Variants in MAML2 observed in about 807,000 individuals in gnomAD.
MAML2 encodes the protein mastermind-like protein 2.
Under a neutral mutation model 96.1 loss-of-function variants are expected in MAML2, and 22 were observed. That is an observed-to-expected ratio of 0.23 (90% CI 0.16 to 0.33). The LOEUF is 0.33. MAML2 is among the 10% of genes least tolerant of loss of function. The pLI is 1.00. For missense variants in MAML2, 1,367 were observed against 1,392.4 expected (o/e 0.98, Z 0.29); for synonymous variants, 561 against 521.3 (o/e 1.08, Z -1.04).
intron 2 of MAML2, among the ~76,000 whole-genome samples, chr11:96,003,158 A>G (rs1342314770): frequency 6.6e-6 from 1 of 150,942 alleles, no homozygotes; most frequent in Non-Finnish European, 1.5e-5. Flanking sequence ...GATGAGGAGG[A>G]TGATGGGGAT....
At chr11:96,119,589 T>C (rs922702504) in intron 1 of MAML2, among the ~76,000 whole-genome samples, 1 of 152,214 alleles carries the variant, frequency 6.6e-6, no homozygotes, top group Admixed American at 6.5e-5. Flanking sequence ...ATGGCAACAA[T>C]AGGAAACTAA....
At chr11:96,338,879 C>T (rs1040582364) in intron 1 of MAML2, among the ~76,000 whole-genome samples, 3 of 152,084 alleles carry the variant, frequency 2.0e-5, no homozygotes, top group Non-Finnish European at 2.9e-5. Context: ...AAGAGGAGCC[C>T]GAGTAAAGTG....
At chr11:96,222,658 G>A (rs543895892) in intron 1 of MAML2, among the ~76,000 whole-genome samples, 3 of 152,252 alleles carry the variant, frequency 2.0e-5, no homozygotes, top group South Asian at 2.1e-4. Flanking sequence ...TGCTCCAGAA[G>A]TACTCACCTA....
At chr11:96,266,846 T>C (rs1244684856) in intron 1 of MAML2, among the ~76,000 whole-genome samples, 4 of 152,204 alleles carry the variant, frequency 2.6e-5, no homozygotes, top group African/African-American at 9.6e-5. Context: ...GGAAATGTGG[T>C]TAATAATGAG....
chr11:96,313,166 AT>A (rs1863568980), intron 1 of MAML2, among the ~76,000 whole-genome samples: 1 of 152,154 alleles, frequency 6.6e-6, no homozygotes, highest in African/African-American at 2.4e-5. Flanking sequence ...GGTTAAATAG[AT>A]TGCTAAGATC....
At chr11:96,105,875 A>G in intron 1 of MAML2, among the ~76,000 whole-genome samples, 1 of 35,032 alleles carries the variant, frequency 2.9e-5, no homozygotes, top group East Asian at 3.8e-4. Flanking sequence ...GTTATAATGG[A>G]AAAAAAAAAA....
chr11:96,318,789 A>G (rs1396402503), intron 1 of MAML2, among the ~76,000 whole-genome samples: 1 of 152,232 alleles, frequency 6.6e-6, no homozygotes, highest in Non-Finnish European at 1.5e-5. Flanking sequence ...TTGAATACCT[A>G]TGAAATTAAT....
At chr11:96,211,918 G>A (rs1861977613) in intron 1 of MAML2, among the ~76,000 whole-genome samples, 1 of 152,150 alleles carries the variant, frequency 6.6e-6, no homozygotes, top group Admixed American at 6.5e-5. Context: ...ACAGAGAAAA[G>A]TTAGGAAGCT....
chr11:95,998,141 A>ATTCT (rs1554993546), intron 2 of MAML2, among the ~76,000 whole-genome samples: 1 of 143,544 alleles, frequency 7.0e-6, no homozygotes, highest in African/African-American at 2.6e-5. Flanking sequence ...TCTGTCTGTC[A>ATTCT]GTCTGTCTGT....
At chr11:96,225,096 C>T (rs1029490616) in intron 1 of MAML2, among the ~76,000 whole-genome samples, 7 of 152,178 alleles carry the variant, frequency 4.6e-5, no homozygotes, top group African/African-American at 1.7e-4. Context: ...AAATTCTTTG[C>T]TATTCCTCTT....
At chr11:96,027,938 C>T (rs1858551014) in intron 2 of MAML2, among the ~76,000 whole-genome samples, 2 of 151,872 alleles carry the variant, frequency 1.3e-5, no homozygotes, top group African/African-American at 2.4e-5. Context: ...TGCCATGTTG[C>T]CCAGGCTGGT....
At chr11:96,241,613 A>G (rs113657681) in intron 1 of MAML2, among the ~76,000 whole-genome samples, 5,558 of 152,300 alleles carry the variant, frequency 0.036, 347 homozygotes, top group African/African-American at 0.13. Context: ...ACCTTGCCCT[A>G]TTGGCTTCTC....
chr11:96,341,013 G>T (rs576015036), intron 1 of MAML2, among the ~76,000 whole-genome samples: 19 of 152,258 alleles, frequency 1.2e-4, no homozygotes, highest in African/African-American at 4.3e-4. Flanking sequence ...ATGGCTTGGG[G>T]GCCTAATCAG....
chr11:96,340,367 G>C (rs180798165), intron 1 of MAML2, among the ~76,000 whole-genome samples: 1 of 152,212 alleles, frequency 6.6e-6, no homozygotes, highest in Non-Finnish European at 1.5e-5. Flanking sequence ...AGCTCCAAAA[G>C]GGAGGAAGCC....
chr11:96,270,076 CA>C (rs1318869181), intron 1 of MAML2, among the ~76,000 whole-genome samples: 1 of 144,160 alleles, frequency 6.9e-6, no homozygotes, highest in Non-Finnish European at 1.5e-5. Flanking sequence ...TAAGACTTGA[CA>C]TCCAAAACTG....
Position 96,093,315 on chromosome 11 carries a change from G to C in MAML2, c.716C>G (p.Pro239Arg). The C allele has an allele frequency of 1.9e-6, 3 of 1,613,946 alleles. No individual in the cohort carries two copies. Among genetic ancestry groups the C allele is most frequent in the Non-Finnish European group, 2.5e-6 (3 of 1,179,888 alleles). Reference sequence around the variant, plus strand: ...TGGCAGAGTGTTAGTCTTTCGCAGGGGTGCTTGGCTCATAGGCAAGGTCCC... The same window carrying C: ...TGGCAGAGTGTTAGTCTTTCGCAGGCGTGCTTGGCTCATAGGCAAGGTCCC... ...MSGTLPMSQA[P>R]LRKTNTLPSH... Residue 239 changes from proline to arginine, a missense_variant, in exon 2 of 5, where the codon CCC (proline) becomes CGC (arginine). Coordinates refer to ENST00000524717, the MANE Select transcript of MAML2 (RefSeq NM_032427.4).
At chr11:95,979,998 C>T (rs1359292672) in intron 4 of MAML2, 35 bp from the exon 5 acceptor site, 3 of 1,543,676 alleles carry the variant, frequency 1.9e-6, no homozygotes, top group East Asian at 4.5e-5. Flanking sequence ...TAGTTCGTAG[C>T]AGCATGTTAT....
At chr11:96,053,892 C>A (rs1169990475) in intron 2 of MAML2, among the ~76,000 whole-genome samples, 1 of 152,068 alleles carries the variant, frequency 6.6e-6, no homozygotes, top group South Asian at 2.1e-4. Context: ...TGCTCCTTCC[C>A]TCCTTTCAGC....
At chr11:96,277,066 A>G (rs1385656733) in intron 1 of MAML2, among the ~76,000 whole-genome samples, 1 of 152,140 alleles carries the variant, frequency 6.6e-6, no homozygotes, top group Non-Finnish European at 1.5e-5. Flanking sequence ...AAGCTCAGAT[A>G]TTTATGATAC....
Sources: allele counts gnomAD v4.1 joint callset (sites outside exome capture counted in the v4.1 genomes callset), GRCh38; gene constraint gnomAD v4.1.1; transcripts MANE v1.5; gene names NCBI Gene and HGNC (gene_info 2026-07-23, HGNC 2026-07-21).